POU6F2: variants seen among roughly 807,000 people sequenced by gnomAD.
POU6F2 encodes POU domain, class 6, transcription factor 2.
In POU6F2, 31 loss-of-function variants were observed where a neutral mutation model predicts 71.3. That is an observed-to-expected ratio of 0.43 (90% confidence interval 0.33 to 0.59). The LOEUF (loss-of-function observed/expected upper bound fraction) is 0.59, where lower values mean the gene tolerates loss of function less well. Among genes scored for constraint, POU6F2 ranks in the 20% least tolerant of loss-of-function variants. The probability of loss-of-function intolerance (pLI) is 0.04; values close to 1 mark genes in which losing one functional copy is unlikely to be tolerated. For missense variants in POU6F2, 783 were observed against 856.8 expected (o/e 0.91, Z 1.07); for synonymous variants, 347 against 355.7 (o/e 0.98, Z 0.27).
chr7:38,985,535 C>T (rs1288682570), intron 1 of POU6F2, among the ~76,000 whole-genome samples: 1 of 152,046 alleles, frequency 6.6e-6, no homozygotes, highest in Non-Finnish European at 1.5e-5. Context: ...TGACAAGATG[C>T]TGGTTGAATG....
At chr7:39,439,473 G>C (rs527958670) in intron 7 of POU6F2, among the ~76,000 whole-genome samples, 1 of 152,108 alleles carries the variant, frequency 6.6e-6, no homozygotes, top group Non-Finnish European at 1.5e-5. Context: ...TTATATTTTG[G>C]TGTTTTTGGT....
chr7:39,456,272 G>A lies in POU6F2; in HGVS notation c.1490-4275G>A, dbSNP rs1788803137. On this transcript the variant is annotated intron_variant, in intron 8 of 9. Transcript: ENST00000518318. ...AATGAACCCAACCTCCCCAGAGCCA[G>A]GAGAATAGATGACAGAAAGCCAGAT... 2.6e-5 allele frequency among the ~76,000 whole-genome samples: 4 copies of A among 152,174 alleles called. No homozygotes were observed. In the South Asian group the frequency reaches 6.2e-4, roughly 24 times the overall value.
chr7:39,275,256 AACAG>A (rs1784415081), intron 4 of POU6F2, among the ~76,000 whole-genome samples: 1 of 150,638 alleles, frequency 6.6e-6, no homozygotes, highest in African/African-American at 2.4e-5. Flanking sequence ...ACACACCAAT[AACAG>A]ACAAACAGAG....
At chr7:39,303,166 T>G (rs139011776) in intron 4 of POU6F2, among the ~76,000 whole-genome samples, 2,891 of 151,458 alleles carry the variant, frequency 0.019, 37 homozygotes, top group Middle Eastern at 0.058. Flanking sequence ...GTTTTTTTGG[T>G]TTTTTTTTGA....
chr7:39,326,636 A>C (rs1276238968), intron 4 of POU6F2, among the ~76,000 whole-genome samples: 1 of 152,230 alleles, frequency 6.6e-6, no homozygotes, highest in Non-Finnish European at 1.5e-5. Context: ...AAAATACTTG[A>C]AATTTGATGG....
At chr7:39,236,948 A>C (rs181693172) in intron 4 of POU6F2, among the ~76,000 whole-genome samples, 94 of 152,328 alleles carry the variant, frequency 6.2e-4, no homozygotes, top group Middle Eastern at 3.4e-3. Flanking sequence ...GATTTGGTGT[A>C]TAAGAGAATT....
In POU6F2 at chr7:39,406,461, C is replaced by T. The variant is rs181595446; in HGVS notation, c.973-139C>T. The T allele has an allele frequency of 3.6e-5, 34 of 945,002 alleles. No individual in the cohort carries two copies. The African/African-American group carries it at 4.6e-4, about 13-fold the overall frequency. 58.5% of individuals were successfully genotyped at this position (945,002 alleles called of 1,614,324 possible). A position where few individuals can be genotyped will look rare whatever the true frequency, so the allele number is the denominator to read the frequency against. ...CCCAGAGCTTCCGGGGGAATGTTCG[C>T]CACGCCCCTCCGGTGGGTTCCAGGC... On this transcript the variant is annotated intron_variant, in intron 5 of 9. Transcript: ENST00000518318.
chr7:39,338,376 A>C (rs1228804286), intron 4 of POU6F2, among the ~76,000 whole-genome samples: 1 of 152,216 alleles, frequency 6.6e-6, no homozygotes, highest in Non-Finnish European at 1.5e-5. Context: ...GGCCTCCCTC[A>C]TGCCATCTCT....
chr7:39,128,919 A>G (rs561894164), intron 2 of POU6F2, among the ~76,000 whole-genome samples: 119 of 152,342 alleles, frequency 7.8e-4, no homozygotes, highest in African/African-American at 2.8e-3. Flanking sequence ...TCTAAGAACA[A>G]ATCTCTTGCT....
At chr7:39,268,856 A>C (rs1784296195) in intron 4 of POU6F2, among the ~76,000 whole-genome samples, 1 of 152,162 alleles carries the variant, frequency 6.6e-6, no homozygotes, top group African/African-American at 2.4e-5. Context: ...AGTGACTGAG[A>C]GTTTTCACCA....
chr7:38,983,985 A>C lies in POU6F2; in HGVS notation c.105+5927A>C, dbSNP rs139826242. On this transcript the variant is annotated intron_variant, in intron 1 of 9. Transcript: ENST00000518318. Reference sequence around the variant, plus strand: ...CATGGTATGAAAGATTCTTTCTTCAAAAGACAGACATTAGCTGTTGATACT... The same window carrying C: ...CATGGTATGAAAGATTCTTTCTTCACAAGACAGACATTAGCTGTTGATACT... Among the ~76,000 whole-genome samples, 9 of 152,220 alleles carry C rather than the reference A, an allele frequency of 5.9e-5. No homozygotes were observed. In the East Asian group the frequency reaches 1.7e-3, roughly 29 times the overall value.
At chr7:39,076,869 T>TAC (rs67222549) in intron 1 of POU6F2, among the ~76,000 whole-genome samples, 7,450 of 150,308 alleles carry the variant, frequency 0.05, 313 homozygotes, top group African/African-American at 0.12. Flanking sequence ...AATGTTGAGA[T>TAC]ACACACACAC....
chr7:39,126,179 T>C (rs1044310654), intron 2 of POU6F2, among the ~76,000 whole-genome samples: 18 of 152,208 alleles, frequency 1.2e-4, no homozygotes, highest in African/African-American at 4.3e-4. Flanking sequence ...TTCGTCACCA[T>C]GTAAGCTGAA....
At chr7:39,131,963 T>TG (rs2128729832) in intron 2 of POU6F2, among the ~76,000 whole-genome samples, 1 of 152,306 alleles carries the variant, frequency 6.6e-6, no homozygotes, top group East Asian at 1.9e-4. Flanking sequence ...TCATGGAAGA[T>TG]GGGGTATCCA....
intron 4 of POU6F2, among the ~76,000 whole-genome samples, chr7:39,336,069 TG>T (rs1184246839): frequency 3.3e-5 from 5 of 152,254 alleles, no homozygotes; most frequent in African/African-American, 4.8e-5. Context: ...CAATGTAACT[TG>T]GTCCCCAGTG....
chr7:39,085,346 T>A (rs71536625), intron 1 of POU6F2, among the ~76,000 whole-genome samples: 5,972 of 152,136 alleles, frequency 0.039, 162 homozygotes, highest in Middle Eastern at 0.082. Context: ...TCCCTATCTT[T>A]TTTCTCTGCT....
chr7:39,047,718 A>C (rs1208904931), intron 1 of POU6F2, among the ~76,000 whole-genome samples: 1 of 151,884 alleles, frequency 6.6e-6, no homozygotes, highest in Non-Finnish European at 1.5e-5. Context: ...GACATTGAGG[A>C]AATTCTGTTT....
At chr7:39,309,036 A>G (rs1785104234) in intron 4 of POU6F2, among the ~76,000 whole-genome samples, 1 of 152,246 alleles carries the variant, frequency 6.6e-6, no homozygotes, top group African/African-American at 2.4e-5. Flanking sequence ...ACTGCTCGCA[A>G]GCGGCCATTC....
chr7:39,183,073 G>A (rs1793466805), intron 2 of POU6F2, among the ~76,000 whole-genome samples: 1 of 152,176 alleles, frequency 6.6e-6, no homozygotes, highest in Non-Finnish European at 1.5e-5. Context: ...GCAGGCAAGT[G>A]AGCATTACTG....
Sources: gnomAD v4.1 joint callset for allele counts (sites outside exome capture counted in the v4.1 genomes callset) on GRCh38, gnomAD v4.1.1 for gene constraint, MANE v1.5 for transcripts, NCBI Gene and HGNC (gene_info 2026-07-23, HGNC 2026-07-21) for gene names.